Variants in CNBP observed in about 807,000 individuals in gnomAD.
The protein encoded by CNBP is cellular nucleic acid-binding protein.
Under a neutral mutation model 21.2 loss-of-function variants are expected in CNBP, and 6 were observed. The ratio of observed to expected loss-of-function variants is 0.28; its 90% CI spans 0.16 to 0.56. The LOEUF (loss-of-function observed/expected upper bound fraction) is 0.56, where lower values mean the gene tolerates loss of function less well. Among genes scored for constraint, CNBP ranks in the 20% least tolerant of loss-of-function variants. The pLI is 0.93. For missense variants in CNBP, 112 were observed against 233.1 expected (o/e 0.48, Z 3.38); for synonymous variants, 61 against 74.9 (o/e 0.81, Z 0.96).
chr3:129,169,903 T>A lies in CNBP; in HGVS notation c.*550A>T, dbSNP rs1224486297. On this transcript the variant is annotated 3_prime_UTR_variant, in exon 5 of 5. Coordinates refer to ENST00000422453, the MANE Select transcript of CNBP (RefSeq NM_003418.5). ...CAACACTGTGATGAAGTTGTTCCTG[T>A]TTAGGCTTTTATTCCGATTTCTCTC... 1 of 230,922 alleles carries A rather than the reference T, an allele frequency of 4.3e-6. No individual in the cohort carries two copies. 14.3% of individuals were successfully genotyped at this position (230,922 alleles called of 1,614,324 possible).
chr3:129,181,711 T>C (rs1052137155), intron 1 of CNBP, among the ~76,000 whole-genome samples: 1 of 149,344 alleles, frequency 6.7e-6, no homozygotes, highest in Non-Finnish European at 1.5e-5. Flanking sequence ...TTTTACAGAC[T>C]GCACCATCTG....
intron 1 of CNBP, among the ~76,000 whole-genome samples, chr3:129,181,869 TAATA>T (rs1431721174): frequency 1.3e-5 from 2 of 152,124 alleles, no homozygotes; most frequent in East Asian, 3.9e-4. Context: ...CTTGGGAATG[TAATA>T]AATTATTCCT....
intron 1 of CNBP, among the ~76,000 whole-genome samples, chr3:129,182,517 C>A (rs1938369961): frequency 6.6e-6 from 1 of 152,122 alleles, no homozygotes; most frequent in Admixed American, 6.5e-5. Context: ...AACACCTAAA[C>A]CCAAATGTGG....
At position 129,168,595 on chromosome 3, in the gene CNBP, G is replaced by A. The variant is rs112606287; in HGVS notation, c.*1858C>T. ...TGCACTCTAGCCTGGGCAACAGAGCGAGACTGTCTCAAAAAAAAAAAAAAA... is the reference window on the plus strand; with the variant it reads ...TGCACTCTAGCCTGGGCAACAGAGCAAGACTGTCTCAAAAAAAAAAAAAAA... On this transcript the variant is annotated 3_prime_UTR_variant, in exon 5 of 5. Transcript: ENST00000422453. Among the ~76,000 whole-genome samples the A allele has an allele frequency of 9.7e-3, 1,030 of 106,130 alleles. 15 individuals are homozygous for A. Among genetic ancestry groups the A allele is most frequent in the African/African-American group, 0.038 (975 of 25,924 alleles). The allele number at this position is 106,130 out of a possible 152,430, so 69.6% of individuals were successfully genotyped here. A position where few individuals can be genotyped will look rare whatever the true frequency, so the allele number is the denominator to read the frequency against.
At chr3:129,177,163 T>C (rs1937957633) in intron 1 of CNBP, among the ~76,000 whole-genome samples, 1 of 152,210 alleles carries the variant, frequency 6.6e-6, no homozygotes, top group Admixed American at 6.5e-5. Context: ...TGTTTTTCAC[T>C]TTTGTCAGGC....
intron 1 of CNBP, among the ~76,000 whole-genome samples, chr3:129,179,991 GCAAGACTTTGTCTC>G (rs1938181800): frequency 6.6e-6 from 1 of 151,692 alleles, no homozygotes. Context: ...GGGCGACAGA[GCAAGACTTTGTCTC>G]CAAAAAAAAA....
At chr3:129,181,240 A>C (rs1273865839) in intron 1 of CNBP, among the ~76,000 whole-genome samples, 1 of 2,812 alleles carries the variant, frequency 3.6e-4, no homozygotes, top group South Asian at 7.8e-3. Context: ...ACTCTGTCTC[A>C]AAAAAAAAAA....
intron 1 of CNBP, among the ~76,000 whole-genome samples, chr3:129,182,799 G>C (rs982883726): frequency 5.9e-5 from 9 of 152,082 alleles, no homozygotes; most frequent in African/African-American, 1.9e-4. Context: ...TGTAACACAA[G>C]CAACTTAGTA....
chr3:129,178,341 T>C (rs374702596), intron 1 of CNBP, among the ~76,000 whole-genome samples: 2 of 152,138 alleles, frequency 1.3e-5, no homozygotes, highest in East Asian at 3.8e-4. Flanking sequence ...TACCATACTA[T>C]TGATACTAAA....
Position 129,169,961 on chromosome 3 carries a change from G to A in CNBP, c.*492C>T, listed in dbSNP as rs1196175636. On this transcript the variant is annotated 3_prime_UTR_variant, in exon 5 of 5. Transcript: ENST00000422453. ...CATTAACACGCATGTTTATCTTTTT[G>A]TTTACTCCCACTCAACTGTATGTTC... The A allele has an allele frequency of 4.3e-6, 1 of 232,548 alleles. No individual in the cohort carries two copies. The highest frequency in any genetic ancestry group is 6.2e-5 in the East Asian group (1 of 16,148). The allele number at this position is 232,548 out of a possible 1,614,324, so 14.4% of individuals were successfully genotyped here. A position where few individuals can be genotyped will look rare whatever the true frequency, so the allele number is the denominator to read the frequency against.
rs1345251468 is a variant in CNBP at position 129,170,445 on chromosome 3, G to A, written c.*8C>T. 2 of 1,607,492 alleles carry A rather than the reference G, an allele frequency of 1.2e-6. No individual in the cohort carries two copies. The highest frequency in any genetic ancestry group is 2.7e-5 in the African/African-American group (2 of 74,770). ...ATCAGAAAAAGGAGGGGCGACAAAG[G>A]AAAATAATTAGGCTGTAGCCTCAAT... On this transcript the variant is annotated 3_prime_UTR_variant, in exon 5 of 5. Transcript: ENST00000422453.
chr3:129,181,113 G>C (rs999215852), intron 1 of CNBP, among the ~76,000 whole-genome samples: 1 of 151,144 alleles, frequency 6.6e-6, no homozygotes, highest in Non-Finnish European at 1.5e-5. Flanking sequence ...GGTGGCACAC[G>C]CCTGTAATCC....
intron 1 of CNBP, among the ~76,000 whole-genome samples, chr3:129,172,663 GACAGA>G (rs1937622620): frequency 1.1e-4 from 13 of 113,062 alleles, no homozygotes; most frequent in South Asian, 6.5e-4. Flanking sequence ...CAGGCAGACA[GACAGA>G]CAGACAGACA....
At chr3:129,172,624 C>CCAGGCAGG (rs869112917) in intron 1 of CNBP, among the ~76,000 whole-genome samples, 1 of 56,258 alleles carries the variant, frequency 1.8e-5, no homozygotes, top group Admixed American at 1.8e-4. Flanking sequence ...AGACAGGCAG[C>CCAGGCAGG]CAGGCAGGCA....
chr3:129,176,422 C>T (rs1176029927), intron 1 of CNBP, among the ~76,000 whole-genome samples: 1 of 152,186 alleles, frequency 6.6e-6, no homozygotes, highest in East Asian at 1.9e-4. Flanking sequence ...GTATCATATT[C>T]CTTGAAGGTA....
At chr3:129,180,953 T>C (rs966688330) in intron 1 of CNBP, among the ~76,000 whole-genome samples, 1 of 152,022 alleles carries the variant, frequency 6.6e-6, no homozygotes, top group African/African-American at 2.4e-5. Context: ...ACAAGTAGAA[T>C]TGTTGGCAAG....
rs1937486704 is a variant in CNBP at position 129,168,048 on chromosome 3, G to C, written c.*2405C>G. 6.6e-6 allele frequency among the ~76,000 whole-genome samples: 1 copy of C among 152,132 alleles called. No homozygotes were observed. The highest frequency in any genetic ancestry group is 1.5e-5 in the Non-Finnish European group (1 of 68,040). On this transcript the variant is annotated 3_prime_UTR_variant, in exon 5 of 5. Transcript: ENST00000422453. Reference sequence around the variant, plus strand: ...ACACTGAATCACTATACCATGAACTGACAGAACCCTGCATGAAGGATGAAA... The same window carrying C: ...ACACTGAATCACTATACCATGAACTCACAGAACCCTGCATGAAGGATGAAA...
rs1419829701 is a variant in CNBP at position 129,168,704 on chromosome 3, G to A, written c.*1749C>T. Among the ~76,000 whole-genome samples the A allele has an allele frequency of 6.7e-6, 1 of 150,038 alleles. No individual in the cohort carries two copies. Among genetic ancestry groups the A allele is most frequent in the African/African-American group, 2.5e-5 (1 of 40,794 alleles). ...CGGCCAGACACGGTGGCTCGCACCT[G>A]TAACACTAGCACTTTGGGGGGCGGG... On this transcript the variant is annotated 3_prime_UTR_variant, in exon 5 of 5. Coordinates refer to ENST00000422453, the MANE Select transcript of CNBP (RefSeq NM_003418.5).
intron 1 of CNBP, among the ~76,000 whole-genome samples, chr3:129,183,078 G>A (rs979000297): frequency 1.3e-5 from 2 of 151,990 alleles, no homozygotes; most frequent in African/African-American, 2.4e-5. Context: ...AGCCTCCCGA[G>A]CTGCTGGGAC....
Sources: allele counts gnomAD v4.1 joint callset (sites outside exome capture counted in the v4.1 genomes callset), GRCh38; gene constraint gnomAD v4.1.1; transcripts MANE v1.5; gene names NCBI Gene and HGNC (gene_info 2026-07-23, HGNC 2026-07-21).